Variants in ITGAX observed in about 807,000 individuals in gnomAD.
ITGAX encodes integrin alpha-X.
Under a neutral mutation model 140.2 loss-of-function variants are expected in ITGAX, and 99 were observed. The ratio of observed to expected loss-of-function variants is 0.71; its 90% CI spans 0.60 to 0.83. The LOEUF (loss-of-function observed/expected upper bound fraction) is 0.83. Ranked by LOEUF, ITGAX falls within the 40% of genes least tolerant of loss-of-function variation. The probability of loss-of-function intolerance (pLI) is 0.00; values close to 1 mark genes in which losing one functional copy is unlikely to be tolerated. For synonymous variants in ITGAX, 631 were observed against 600.4 expected (o/e 1.05, Z -0.75); for missense variants, 1,444 against 1,482.0 (o/e 0.97, Z 0.42).
rs370983673 is a variant in ITGAX, at chr16:31,380,171, C to A, written c.3061-95C>A. The A allele has an allele frequency of 6.6e-6, 10 of 1,513,578 alleles. No individual in the cohort carries two copies. The South Asian group carries it at 1.0e-4, about 16-fold the overall frequency. 93.8% of individuals were successfully genotyped at this position (1,513,578 alleles called of 1,614,324 possible). On this transcript the variant is annotated intron_variant, in intron 26 of 29. Transcript: ENST00000268296. The stretch of plus-strand genomic sequence containing the variant: ...TCCTGCTGAAGTACCCTCTTGCATT[C>A]GGATATGGCCGCTGCCCTCAAGTCA...
Position 31,363,245 on chromosome 16 carries a change from G to T in ITGAX, c.1581G>T (p.Val527=). ...PWGRFGAALT[V]LGDVNGDKLT... ...GTCGCTTTGGGGCGGCTCTGACAGT[G>T]CTGGGGGATGTGAATGGGGACAAGC... The change falls in exon 14 of 30, where the codon GTG becomes GTT. Residue 527 remains valine (V), a synonymous_variant. Transcript: ENST00000268296. 1 of 1,613,876 alleles carries T rather than the reference G, an allele frequency of 6.2e-7. No individual in the cohort carries two copies. The highest frequency in any genetic ancestry group is 8.5e-7 in the Non-Finnish European group (1 of 1,179,880).
chr16:31,356,316 G>A, intron 2 of ITGAX: 4 of 426,734 alleles, frequency 9.4e-6, no homozygotes, highest in Non-Finnish European at 1.7e-5. Flanking sequence ...AATATATAGA[G>A]ACAGGGTCTC....
In ITGAX at chr16:31,356,011, TG is replaced by T. The variant is rs1334565476; in HGVS notation, c.143+15del. 1 of 1,592,664 alleles carries T rather than the reference TG, an allele frequency of 6.3e-7. No individual in the cohort carries two copies. The highest frequency in any genetic ancestry group is 1.1e-5 in the South Asian group (1 of 90,350). ...ATGCCAACTCCTGGTGAGGCCCAGG[TG>T]GTGCTGGCCTTTGGCTCCATCCATC... On this transcript the variant is annotated intron_variant, in intron 2 of 29. Transcript: ENST00000268296.
rs1389596335 is a variant in ITGAX, at chr16:31,357,253, G to A, written c.319G>A (p.Ala107Thr). Residue 107 changes from alanine to threonine, a missense_variant and splice_region_variant, in exon 5 of 30, where the codon GCC becomes ACC. Coordinates refer to ENST00000268296, the MANE Select transcript of ITGAX (RefSeq NM_000887.5). ...ASTTSPSQLL[A>T]CGPTVHHECG... Reference sequence around the variant, plus strand: ...CCCCAGCAGCCCGCTGTGTCCCCAGGCCTGCGGCCCCACCGTGCACCACGA... The same window carrying A: ...CCCCAGCAGCCCGCTGTGTCCCCAGACCTGCGGCCCCACCGTGCACCACGA... 1.2e-6 allele frequency: 2 copies of A among 1,600,876 alleles called. No homozygotes were observed. The highest frequency in any genetic ancestry group is 2.7e-5 in the African/African-American group (2 of 74,572).
chr16:31,367,501 C>A (rs1442570001), intron 14 of ITGAX, among the ~76,000 whole-genome samples: 1 of 152,188 alleles, frequency 6.6e-6, no homozygotes, highest in Non-Finnish European at 1.5e-5. Context: ...TTCCAGGGCC[C>A]TGAAGAATGA....
In ITGAX at chr16:31,362,543, C is replaced by T. The variant is rs1477382759; in HGVS notation, c.1217-68C>T. 3.6e-5 allele frequency: 51 copies of T among 1,406,464 alleles called. No individual in the cohort carries two copies. In the East Asian group the frequency reaches 6.2e-4, roughly 17 times the overall value. The allele number at this position is 1,406,464 out of a possible 1,614,324, so 87.1% of individuals were successfully genotyped here. A position where few individuals can be genotyped will look rare whatever the true frequency, so the allele number is the denominator to read the frequency against. The stretch of plus-strand genomic sequence containing the variant: ...GGAGGGGAGATGGTGCTGTGCTGCC[C>T]GGGGTGGGGGTCCAGGGTTCTGGGG... On this transcript the variant is annotated intron_variant, in intron 11 of 29. Transcript: ENST00000268296.
intron 5 of ITGAX, 36 bp downstream of exon 5, chr16:31,357,400 A>G (rs1406321545): frequency 5.1e-6 from 7 of 1,379,902 alleles, no homozygotes. Context: ...TGAGGAGCTC[A>G]CGCACATCCA....
In ITGAX at chr16:31,362,664, G is replaced by A. The variant is rs199910375; in HGVS notation, c.1270G>A (p.Ala424Thr). Residue 424 changes from alanine to threonine, a missense_variant, in exon 12 of 30, where the codon GCC (alanine) becomes ACC (threonine). Ala to Thr is a moderately conservative substitution (Grantham distance 58). Coordinates refer to ENST00000268296, the MANE Select transcript of ITGAX (RefSeq NM_000887.5). Reference protein sequence around the residue: ...WKGVQSLVLGAPRYQHTGKAV... With the variant: ...WKGVQSLVLGTPRYQHTGKAV... ...AGGGGTGCAGAGCCTGGTCCTGGGG[G>A]CCCCCCGCTACCAGCACACCGGGAA... 6.8e-6 allele frequency: 11 copies of A among 1,613,606 alleles called. No homozygotes were observed. The highest frequency in any genetic ancestry group is 1.3e-5 in the African/African-American group (1 of 74,986).
Position 31,371,092 on chromosome 16 carries a change from G to C in ITGAX, c.1719G>C (p.Ala573=). Residue 573 remains alanine, a synonymous_variant, in exon 15 of 30, where the codon GCG becomes GCC. Coordinates refer to ENST00000268296, the MANE Select transcript of ITGAX (RefSeq NM_000887.5). ...SISPSHSQRI[A]GSQLSSRLQY... is the part of the protein sequence containing the mutation. ...TTCTCTCCTCTGGCCAGCGGATCGCGGGCTCCCAGCTCTCCTCCAGGCTGC... is the reference window on the plus strand; with the variant it reads ...TTCTCTCCTCTGGCCAGCGGATCGCCGGCTCCCAGCTCTCCTCCAGGCTGC... 2 of 1,613,938 alleles carry C rather than the reference G, an allele frequency of 1.2e-6. No individual in the cohort carries two copies. Among genetic ancestry groups the C allele is most frequent in the Non-Finnish European group, 1.7e-6 (2 of 1,180,016 alleles).
At chr16:31,368,791 T>C (rs1051088457) in intron 14 of ITGAX, among the ~76,000 whole-genome samples, 1 of 151,420 alleles carries the variant, frequency 6.6e-6, no homozygotes, top group Non-Finnish European at 1.5e-5. Context: ...TACTTGAGAT[T>C]AGGGAGTGGT....
intron 20 of ITGAX, among the ~76,000 whole-genome samples, chr16:31,374,285 T>A (rs1219513603): frequency 1.2e-5 from 1 of 80,648 alleles, no homozygotes; most frequent in Non-Finnish European, 2.3e-5. Context: ...CAAGACTCTG[T>A]CTAAAAAAAA....
At chr16:31,373,429 C>A in intron 20 of ITGAX, 39 bp downstream of exon 20, 3 of 1,584,356 alleles carry the variant, frequency 1.9e-6, no homozygotes, top group South Asian at 1.1e-5. Flanking sequence ...CAGGGCTGGG[C>A]GTTAGCGTAG....
chr16:31,362,530 G>A, intron 11 of ITGAX, 81 bp from the exon 12 acceptor site: 1 of 1,498,434 alleles, frequency 6.7e-7, no homozygotes. Flanking sequence ...AGGGGAGATG[G>A]TGCTGTGCTG....
rs755661679 is a variant in ITGAX, at chr16:31,363,290, G to C, written c.1626G>C (p.Gly542=). The change falls in exon 14 of 30, where the codon GGG becomes GGC. Residue 542 remains glycine, a synonymous_variant. Transcript: ENST00000268296. Reference sequence around the variant, plus strand: ...ACAAGCTGACAGACGTGGTCATCGGGGCCCCAGGAGAGGAGGAGAACCGGG... The same window carrying C: ...ACAAGCTGACAGACGTGGTCATCGGCGCCCCAGGAGAGGAGGAGAACCGGG... ...NGDKLTDVVI[G]APGEEENRGA... 1.2e-6 allele frequency: 2 copies of C among 1,613,924 alleles called. No individual in the cohort carries two copies.
intron 26 of ITGAX, 83 bp downstream of exon 26, chr16:31,380,148 C>T: frequency 6.5e-7 from 1 of 1,536,430 alleles, no homozygotes; most frequent in Non-Finnish European, 9.0e-7. Context: ...CATATCCATC[C>T]TGCTGAAGTA....
In ITGAX at chr16:31,360,064, G is replaced by A. The variant is rs375368829; in HGVS notation, c.706G>A (p.Val236Met). ...CACGGCCACCGCCATCCAAAATGTC[G>A]TGTGAGTCCTGATTTCTTCCAGGCA... ...TYTATAIQNV[V>M]HRLFHASYGA... Residue 236 changes from valine to methionine, a missense_variant and splice_region_variant, in exon 7 of 30, where the codon GTG becomes ATG. Transcript: ENST00000268296. 14 of 1,609,360 alleles carry A rather than the reference G, an allele frequency of 8.7e-6. No homozygotes were observed. Among genetic ancestry groups the A allele is most frequent in the South Asian group, 4.4e-5 (4 of 91,072 alleles).
intron 9 of ITGAX, 117 bp downstream of exon 9, chr16:31,361,330 G>A (rs1313532582): frequency 8.8e-7 from 1 of 1,141,182 alleles, no homozygotes; most frequent in East Asian, 2.4e-5. Context: ...GCTTTCCCGG[G>A]ACCCCGATAG....
At chr16:31,356,758 G>C (rs1380463193) in intron 3 of ITGAX, 30 bp downstream of exon 3, 1 of 1,488,796 alleles carries the variant, frequency 6.7e-7, no homozygotes, top group Non-Finnish European at 9.2e-7. Flanking sequence ...GGGACCCAGG[G>C]CCGGGCTCCC....
rs200451726 is a variant in ITGAX at position 31,371,171 on chromosome 16, G to T, written c.1798G>T (p.Val600Leu). 6.2e-7 allele frequency: 1 copy of T among 1,613,052 alleles called. No individual in the cohort carries two copies. Among genetic ancestry groups the T allele is most frequent in the South Asian group, 1.1e-5 (1 of 90,988 alleles). The change falls in exon 15 of 30, where the codon GTG becomes TTG. Residue 600 changes from valine (V) to leucine (L), a missense_variant. Transcript: ENST00000268296. ...TCAAGACCTCACCCAGGATGGACTG[G>T]TGGACCTGGCTGTGGGGGCCCGGGG... ...GGQDLTQDGL[V>L]DLAVGARGQV... is the part of the protein sequence containing the mutation.
Sources: gnomAD v4.1 joint callset for allele counts (sites outside exome capture counted in the v4.1 genomes callset) on GRCh38, gnomAD v4.1.1 for gene constraint, MANE v1.5 for transcripts, NCBI Gene and HGNC (gene_info 2026-07-23, HGNC 2026-07-21) for gene names.